LRMDA: variants seen among roughly 807,000 people sequenced by gnomAD.
The protein encoded by LRMDA is leucine-rich melanocyte differentiation-associated protein.
A neutral mutation model predicts 29.8 loss-of-function variants in LRMDA; 18 were observed. That is an observed-to-expected ratio of 0.60 (90% CI 0.42 to 0.90). The LOEUF (loss-of-function observed/expected upper bound fraction) is 0.90. Ranked by LOEUF, LRMDA falls within the 40% of genes least tolerant of loss-of-function variation. The pLI, the probability that LRMDA is intolerant of heterozygous loss-of-function variation, is 0.00. For synonymous variants in LRMDA, 125 were observed against 109.4 expected (o/e 1.14, Z -0.89); for missense variants, 273 against 273.9 (o/e 1.00, Z 0.02).
At chr10:75,770,669 C>T (rs772083001) in intron 2 of LRMDA, among the ~76,000 whole-genome samples, 7 of 151,918 alleles carry the variant, frequency 4.6e-5, no homozygotes, top group Non-Finnish European at 7.4e-5. Context: ...TTGTGGAGGC[C>T]GAGGGTGGGG....
At chr10:76,207,043 C>G (rs1024705018) in intron 5 of LRMDA, among the ~76,000 whole-genome samples, 2 of 152,206 alleles carry the variant, frequency 1.3e-5, no homozygotes, top group Non-Finnish European at 2.9e-5. Flanking sequence ...GTAATTTGCT[C>G]ACAGCAAGGT....
At chr10:75,654,925 T>G (rs1841647986) in intron 2 of LRMDA, among the ~76,000 whole-genome samples, 1 of 152,222 alleles carries the variant, frequency 6.6e-6, no homozygotes, top group Admixed American at 6.5e-5. Context: ...AGAAAAAAAT[T>G]AACTTTGCTC....
intron 6 of LRMDA, among the ~76,000 whole-genome samples, chr10:76,432,229 G>A (rs1173100904): frequency 6.6e-6 from 1 of 152,128 alleles, no homozygotes; most frequent in Admixed American, 6.5e-5. Context: ...GTGGGCCTGG[G>A]GGTGCTGCTG....
At chr10:75,992,711 G>A (rs891709514) in intron 2 of LRMDA, among the ~76,000 whole-genome samples, 3 of 152,102 alleles carry the variant, frequency 2.0e-5, no homozygotes, top group Non-Finnish European at 2.9e-5. Flanking sequence ...CTCATTCTGG[G>A]AGCTCTGGGC....
intron 2 of LRMDA, among the ~76,000 whole-genome samples, chr10:75,800,376 T>A (rs561185766): frequency 6.6e-6 from 1 of 152,268 alleles, no homozygotes; most frequent in South Asian, 2.1e-4. Context: ...ATATTTTAAA[T>A]GCATCCTTGT....
chr10:76,327,777 G>A (rs987227864), intron 6 of LRMDA, among the ~76,000 whole-genome samples: 5 of 152,174 alleles, frequency 3.3e-5, no homozygotes, highest in African/African-American at 1.2e-4. Flanking sequence ...AGGTCCAGCT[G>A]TGTGGACCTC....
At chr10:75,811,054 C>T (rs1003084875) in intron 2 of LRMDA, among the ~76,000 whole-genome samples, 4 of 152,166 alleles carry the variant, frequency 2.6e-5, no homozygotes, top group African/African-American at 7.2e-5. Context: ...GTGGTTTCCT[C>T]ACATCAGGAT....
At chr10:75,714,377 A>G (rs1842473004) in intron 2 of LRMDA, among the ~76,000 whole-genome samples, 5 of 152,168 alleles carry the variant, frequency 3.3e-5, no homozygotes, top group Non-Finnish European at 7.3e-5. Flanking sequence ...GTGCACATCC[A>G]GCGTCATTTG....
intron 2 of LRMDA, among the ~76,000 whole-genome samples, chr10:75,839,826 A>C (rs1452154477): frequency 6.8e-6 from 1 of 147,104 alleles, no homozygotes; most frequent in Non-Finnish European, 1.5e-5. Flanking sequence ...CTTCTGCCTC[A>C]GCCTCCCGAG....
At chr10:76,290,232 G>A (rs937521689) in intron 5 of LRMDA, among the ~76,000 whole-genome samples, 7 of 152,206 alleles carry the variant, frequency 4.6e-5, no homozygotes, top group Non-Finnish European at 1.0e-4. Flanking sequence ...GGTTTAAAGA[G>A]TTATGTAAGG....
At chr10:76,036,164 TC>T (rs780704734) in intron 3 of LRMDA, 30 bp downstream of exon 3, 1 of 1,522,380 alleles carries the variant, frequency 6.6e-7, no homozygotes, top group Admixed American at 1.8e-5. Context: ...CTGCCCCCAC[TC>T]CCCACCCAGC....
At chr10:76,493,068 G>A (rs1166768298) in intron 6 of LRMDA, among the ~76,000 whole-genome samples, 1 of 152,028 alleles carries the variant, frequency 6.6e-6, no homozygotes, top group Non-Finnish European at 1.5e-5. Context: ...TCTACAATCA[G>A]CAGGTATAAA....
chr10:75,858,149 C>T (rs1844858783), intron 2 of LRMDA, among the ~76,000 whole-genome samples: 1 of 152,126 alleles, frequency 6.6e-6, no homozygotes, highest in Admixed American at 6.5e-5. Context: ...TCTGAGGCCC[C>T]CCCGTACCAG....
chr10:75,846,188 TG>T (rs2132305929), intron 2 of LRMDA, among the ~76,000 whole-genome samples: 1 of 148,228 alleles, frequency 6.7e-6, no homozygotes, highest in African/African-American at 2.6e-5. Context: ...TGTGTGTGTG[TG>T]TGTGTGTGTG....
At chr10:75,807,953 G>A (rs1843887534) in intron 2 of LRMDA, among the ~76,000 whole-genome samples, 1 of 152,138 alleles carries the variant, frequency 6.6e-6, no homozygotes, top group East Asian at 1.9e-4. Context: ...CACAATAAGA[G>A]CATTTTTGTT....
intron 2 of LRMDA, among the ~76,000 whole-genome samples, chr10:75,631,309 A>G (rs1841318803): frequency 1.3e-5 from 2 of 152,144 alleles, no homozygotes; most frequent in South Asian, 2.1e-4. Context: ...AGCCACCTGG[A>G]GAAAAGAACC....
At chr10:75,534,493 G>T (rs1247896075) in intron 2 of LRMDA, among the ~76,000 whole-genome samples, 2 of 152,146 alleles carry the variant, frequency 1.3e-5, no homozygotes, top group South Asian at 4.1e-4. Context: ...TGGCAGGGGG[G>T]GATTCTAGGT....
intron 2 of LRMDA, among the ~76,000 whole-genome samples, chr10:75,803,486 G>A (rs1843792873): frequency 6.6e-6 from 1 of 152,192 alleles, no homozygotes; most frequent in Non-Finnish European, 1.5e-5. Context: ...GGTCAGAGTA[G>A]CATGGATCCA....
intron 2 of LRMDA, among the ~76,000 whole-genome samples, chr10:75,680,016 G>A (rs561049208): frequency 6.6e-6 from 1 of 152,340 alleles, no homozygotes; most frequent in South Asian, 2.1e-4. Flanking sequence ...GGTTTAGTTG[G>A]TATCTCTCCA....
Sources: allele counts gnomAD v4.1 joint callset (sites outside exome capture counted in the v4.1 genomes callset), GRCh38; gene constraint gnomAD v4.1.1; transcripts MANE v1.5; gene names NCBI Gene and HGNC (gene_info 2026-07-23, HGNC 2026-07-21).